The following SPINDOC variants were observed in gnomAD, a reference collection of about 807,000 sequenced individuals.
The protein encoded by SPINDOC is spindlin interactor and repressor of chromatin-binding protein.
SPINDOC carries 13 observed loss-of-function variants against 30.7 expected under a neutral mutation model. The observed-to-expected ratio is 0.42, with a 90% CI of 0.28 to 0.67. The LOEUF (loss-of-function observed/expected upper bound fraction) is 0.67, where lower values mean the gene tolerates loss of function less well. SPINDOC is among the 30% of genes least tolerant of loss of function. SPINDOC has a pLI of 0.22. For synonymous variants in SPINDOC, 228 were observed against 211.4 expected (o/e 1.08, Z -0.68); for missense variants, 438 against 518.0 (o/e 0.85, Z 1.50).
At chr11:63,824,135 C>T (rs971543230) in intron 5 of SPINDOC, among the ~76,000 whole-genome samples, 2 of 151,904 alleles carry the variant, frequency 1.3e-5, no homozygotes, top group Non-Finnish European at 2.9e-5. Context: ...GTCTCAAACT[C>T]CTGACCTCGG....
chr11:63,820,102 A>G (rs1437777483), intron 5 of SPINDOC, among the ~76,000 whole-genome samples: 1 of 152,084 alleles, frequency 6.6e-6, no homozygotes, highest in Non-Finnish European at 1.5e-5. Flanking sequence ...TGAGTTTAAG[A>G]AGCTTACATA....
Position 63,826,975 on chromosome 11 carries a change from G to C in SPINDOC, c.982G>C (p.Val328Leu). The change falls in exon 6 of 6, where the codon GTG (valine) becomes CTG (leucine). Residue 328 changes from valine (V) to leucine (L), a missense_variant. Around this residue, in one of 3 missense-constraint regions of SPINDOC, gnomAD observed 300 missense variants for 332.8 expected, o/e 0.90. Transcript: ENST00000294244. ...GACACTGGATCTCCAGGTTATCCGC[G>C]TGCGGATGGAGGAGCCCCCAGCGGT... ...RGTLDLQVIR[V>L]RMEEPPAVSL... The C allele has an allele frequency of 1.2e-6, 2 of 1,606,100 alleles. No homozygotes were observed. Among genetic ancestry groups the C allele is most frequent in the East Asian group, 2.2e-5 (1 of 44,834 alleles).
Position 63,817,809 on chromosome 11 carries a change from C to G in SPINDOC, c.132C>G (p.Thr44=). 1 of 1,579,566 alleles carries G rather than the reference C, an allele frequency of 6.3e-7. No individual in the cohort carries two copies. Among genetic ancestry groups the G allele is most frequent in the African/African-American group, 1.3e-5 (1 of 74,232 alleles). ...CCTCCCCCTCTCCCCTCGCAGTGAC[C>G]CAACAGGAGAAGACCCCACCGCCTA... ...IPRPEPMLRV[T]QQEKTPPPRP... Residue 44 remains threonine, a synonymous_variant, in exon 2 of 6, where the codon ACC becomes ACG. Coordinates refer to ENST00000294244, the MANE Select transcript of SPINDOC (RefSeq NM_138471.3).
intron 5 of SPINDOC, chr11:63,822,707 T>G: frequency 6.2e-6 from 8 of 1,288,798 alleles, no homozygotes; most frequent in Non-Finnish European, 8.1e-6. Flanking sequence ...GTCCCGAGTC[T>G]CCTGGTCCTC....
At chr11:63,819,645 T>C (rs630486) in intron 5 of SPINDOC, among the ~76,000 whole-genome samples, 77,538 of 151,250 alleles carry the variant, frequency 0.51, 20,373 homozygotes, top group East Asian at 0.77. Flanking sequence ...TACAGGCGTG[T>C]GCCACCATGC....
chr11:63,826,055 C>CAGCCTCCTGAGTA, intron 5 of SPINDOC, among the ~76,000 whole-genome samples: 1 of 152,240 alleles, frequency 6.6e-6, no homozygotes, highest in East Asian at 1.9e-4. Context: ...TCTCCCGCCT[C>CAGCCTCCTGAGTA]AGCCTCCTGA....
At position 63,827,241 on chromosome 11, in the gene SPINDOC, ACAGGTGC is replaced by A. The variant is rs1276123127; in HGVS notation, c.*107_*113del. 2.0e-6 allele frequency: 3 copies of A among 1,517,746 alleles called. No homozygotes were observed. The highest frequency in any genetic ancestry group is 4.0e-4 in the Middle Eastern group (2 of 5,028). 94.0% of individuals were successfully genotyped at this position (1,517,746 alleles called of 1,614,324 possible). A position where few individuals can be genotyped will look rare whatever the true frequency, so the allele number is the denominator to read the frequency against. On this transcript the variant is annotated 3_prime_UTR_variant, in exon 6 of 6. Coordinates refer to ENST00000294244, the MANE Select transcript of SPINDOC (RefSeq NM_138471.3). ...CACCCACCTGGTGGAGAGAGTAGAA[ACAGGTGC>A]CAGGGCAGGAGGGGGCTGGGGCAGC...
At chr11:63,822,721 G>A (rs749539522) in intron 5 of SPINDOC, 6 of 1,288,686 alleles carry the variant, frequency 4.7e-6, no homozygotes, top group South Asian at 2.5e-5. Context: ...GGTCCTCTCC[G>A]GTGGATCCCT....
chr11:63,824,495 C>T (rs143813097), intron 5 of SPINDOC, among the ~76,000 whole-genome samples: 42 of 152,250 alleles, frequency 2.8e-4, no homozygotes, highest in Admixed American at 2.2e-3. Context: ...CCTGGCACAG[C>T]GTAGGCCCGG....
intron 1 of SPINDOC, among the ~76,000 whole-genome samples, chr11:63,816,498 A>C (rs1263491758): frequency 6.6e-6 from 1 of 152,052 alleles, no homozygotes. Context: ...AGATAGGTAC[A>C]AGACATATCT....
chr11:63,827,325 A>C lies in SPINDOC; in HGVS notation c.*186A>C. 1.8e-6 allele frequency: 2 copies of C among 1,118,120 alleles called. No homozygotes were observed. The highest frequency in any genetic ancestry group is 2.5e-6 in the Non-Finnish European group (2 of 800,816). 69.3% of individuals were successfully genotyped at this position (1,118,120 alleles called of 1,614,324 possible). On this transcript the variant is annotated 3_prime_UTR_variant, in exon 6 of 6. Coordinates refer to ENST00000294244, the MANE Select transcript of SPINDOC (RefSeq NM_138471.3). Reference sequence around the variant, plus strand: ...AAGTGTCTGTTCCTGGCCAGGCCTGAGGTCGGCGAGGGTGGCTGAGGCTGT... The same window carrying C: ...AAGTGTCTGTTCCTGGCCAGGCCTGCGGTCGGCGAGGGTGGCTGAGGCTGT...
chr11:63,823,941 CTT>C (rs1199815928), intron 5 of SPINDOC, among the ~76,000 whole-genome samples: 1 of 119,992 alleles, frequency 8.3e-6, no homozygotes, highest in African/African-American at 3.2e-5. Flanking sequence ...GAGTTTTGCT[CTT>C]GTCGCCCAGG....
At chr11:63,814,044 G>A (rs2015271316) in intron 1 of SPINDOC, among the ~76,000 whole-genome samples, 1 of 152,176 alleles carries the variant, frequency 6.6e-6, no homozygotes, top group Non-Finnish European at 1.5e-5. Context: ...CCCGCCCAGG[G>A]TCTGGAGACT....
Position 63,813,603 on chromosome 11 carries a change from C to T in SPINDOC, c.-84C>T, listed in dbSNP as rs2015253522. 5.3e-6 allele frequency: 7 copies of T among 1,316,594 alleles called. No homozygotes were observed. Among genetic ancestry groups the T allele is most frequent in the Non-Finnish European group, 6.9e-6 (7 of 1,020,592 alleles). 81.6% of individuals were successfully genotyped at this position (1,316,594 alleles called of 1,614,324 possible). On this transcript the variant is annotated 5_prime_UTR_variant, in exon 1 of 6. Transcript: ENST00000294244. The stretch of plus-strand genomic sequence containing the variant: ...GGCGGCGGGCCCGGCGCTATTCCGG[C>T]CAGGAGGCGGGAGGCGGTTGCCGGC...
chr11:63,813,983 C>A (rs1258534772), intron 1 of SPINDOC, among the ~76,000 whole-genome samples, 170 bp downstream of exon 1: 1 of 152,222 alleles, frequency 6.6e-6, no homozygotes, highest in Non-Finnish European at 1.5e-5. Context: ...CCTCCCCCAC[C>A]ATGGTTTAGA....
chr11:63,817,636 T>C (rs1165334995), intron 1 of SPINDOC, among the ~76,000 whole-genome samples, 169 bp from the exon 2 acceptor site: 2 of 152,112 alleles, frequency 1.3e-5, no homozygotes, highest in Non-Finnish European at 2.9e-5. Context: ...ACATCGGCTG[T>C]GTTGAGTGTG....
chr11:63,818,742 A>G lies in SPINDOC; in HGVS notation c.734-60A>G. 1 of 1,611,948 alleles carries G rather than the reference A, an allele frequency of 6.2e-7. No homozygotes were observed. Among genetic ancestry groups the G allele is most frequent in the Non-Finnish European group, 8.5e-7 (1 of 1,179,376 alleles). ...TGAGGATGGAGCAGGGCCTGGGCGC[A>G]GGGCGCCTGCAGCTCCTGAGGCTTT... is the stretch of plus-strand genomic sequence containing the variant. On this transcript the variant is annotated intron_variant, in intron 4 of 5. Coordinates refer to ENST00000294244, the MANE Select transcript of SPINDOC (RefSeq NM_138471.3). This position sits in a 1 kb window ranked among gnomAD's most constrained non-coding sequence, Gnocchi z 5.3.
chr11:63,821,081 TTA>T (rs2015507945), intron 5 of SPINDOC, among the ~76,000 whole-genome samples: 1 of 152,054 alleles, frequency 6.6e-6, no homozygotes, highest in South Asian at 2.1e-4. Flanking sequence ...ATTTATTATT[TTA>T]CAGTTCTGGA....
chr11:63,823,268 T>A, intron 5 of SPINDOC: 1 of 1,276,732 alleles, frequency 7.8e-7, no homozygotes, highest in Admixed American at 2.5e-5. Flanking sequence ...CTCAGAAACC[T>A]GTGAGGCTTC....
Sources: allele counts gnomAD v4.1 joint callset (sites outside exome capture counted in the v4.1 genomes callset), GRCh38; gene constraint gnomAD v4.1.1; regional missense constraint gnomAD v4.1.1; non-coding constraint Gnocchi (gnomAD v3.1); transcripts MANE v1.5; gene names NCBI Gene and HGNC (gene_info 2026-07-23, HGNC 2026-07-21).